OR10A4: variants seen among roughly 807,000 people sequenced by gnomAD.
The protein encoded by OR10A4 is olfactory receptor family 10 subfamily A member 4.
OR10A4 carries 18 observed loss-of-function variants against 15.4 expected under a neutral mutation model. The ratio of observed to expected loss-of-function variants is 1.17; its 90% confidence interval spans 0.81 to 1.74. The LOEUF (loss-of-function observed/expected upper bound fraction) is 1.74. OR10A4 is among the 40% of genes most tolerant of loss of function. OR10A4 has a pLI of 0.00. For synonymous variants in OR10A4, 161 were observed against 149.5 expected (o/e 1.08, Z -0.56); for missense variants, 455 against 372.3 (o/e 1.22, Z -1.83).
In OR10A4 at chr11:6,877,221, G is replaced by C. The variant is rs767838325; in HGVS notation, c.574G>C (p.Asp192His). The change falls in exon 1 of 1, where the codon GAC (aspartate) becomes CAC (histidine). Residue 192 changes from aspartate to histidine, a missense_variant. Transcript: ENST00000379829. ...SPPVIALVCA[D>H]TSVFELEALT... ...TCCTGTTATTGCACTGGTCTGTGCTGACACCTCTGTGTTTGAACTGGAGGC... is the reference window on the plus strand; with the variant it reads ...TCCTGTTATTGCACTGGTCTGTGCTCACACCTCTGTGTTTGAACTGGAGGC... 3.1e-6 allele frequency: 5 copies of C among 1,614,060 alleles called. No individual in the cohort carries two copies. In the African/African-American group the frequency reaches 6.7e-5, roughly 22 times the overall value.
Position 6,877,291 on chromosome 11 carries a change from T to C in OR10A4, c.644T>C (p.Ile215Thr). The stretch of plus-strand genomic sequence containing the variant: ...TTCATTCTCTTTCCTTTCTTGCTGA[T>C]CCTGGGATCCTATGTCCGCATCCTC... ...VLFILFPFLL[I>T]LGSYVRILST... is the part of the protein sequence containing the mutation. Residue 215 changes from isoleucine to threonine, a missense_variant, in exon 1 of 1, where the codon ATC (isoleucine) becomes ACC (threonine). Physicochemically the swap from Ile to Thr is moderately conservative, Grantham distance 89. Transcript: ENST00000379829. 6.2e-7 allele frequency: 1 copy of C among 1,614,238 alleles called. No homozygotes were observed. The highest frequency in any genetic ancestry group is 8.5e-7 in the Non-Finnish European group (1 of 1,180,042).
Position 6,877,501 on chromosome 11 carries a change from T to C in OR10A4, c.854T>C (p.Met285Thr), listed in dbSNP as rs1353070035. Residue 285 changes from methionine to threonine, a missense_variant, in exon 1 of 1, where the codon ATG becomes ACG. Coordinates refer to ENST00000379829, the MANE Select transcript of OR10A4 (RefSeq NM_207186.2). ...LSLSSTVVTP[M>T]LNPIIYSSRN... is the part of the protein sequence containing the mutation. ...CTCTCTTCCACAGTGGTGACTCCCA[T>C]GTTGAACCCCATCATCTACAGCTCA... 6.2e-7 allele frequency: 1 copy of C among 1,614,010 alleles called. No homozygotes were observed. Among genetic ancestry groups the C allele is most frequent in the Non-Finnish European group, 8.5e-7 (1 of 1,180,024 alleles).
Position 6,876,867 on chromosome 11 carries a change from T to G in OR10A4, c.220T>G (p.Phe74Val). The change falls in exon 1 of 1, where the codon TTC becomes GTC. Residue 74 changes from phenylalanine to valine, a missense_variant. By Grantham distance (50) the Phe-to-Val change is conservative. Coordinates refer to ENST00000379829, the MANE Select transcript of OR10A4 (RefSeq NM_207186.2). ...AAACTTGTCCTTCCTGGAGATAGGTTTCAACTTGGTCATTGTGCCCAAGAT... is the reference window on the plus strand; with the variant it reads ...AAACTTGTCCTTCCTGGAGATAGGTGTCAACTTGGTCATTGTGCCCAAGAT... ...LRNLSFLEIG[F>V]NLVIVPKMLG... The G allele has an allele frequency of 1.9e-6, 3 of 1,614,176 alleles. No homozygotes were observed. Among genetic ancestry groups the G allele is most frequent in the Non-Finnish European group, 2.5e-6 (3 of 1,180,010 alleles).
Position 6,877,075 on chromosome 11 carries a change from C to T in OR10A4, c.428C>T (p.Ala143Val). The change falls in exon 1 of 1, where the codon GCC (alanine) becomes GTC (valine). Residue 143 changes from alanine (A) to valine (V), a missense_variant. By Grantham distance (64) the Ala-to-Val change is moderately conservative. Transcript: ENST00000379829. The stretch of plus-strand genomic sequence containing the variant: ...GTCATCATGGGCCACATATCCTGTG[C>T]CCAGCTGGCAGCTGCCTCTTGGTTC... ...YPVIMGHISC[A>V]QLAAASWFSG... 6.2e-7 allele frequency: 1 copy of T among 1,614,208 alleles called. No individual in the cohort carries two copies. Among genetic ancestry groups the T allele is most frequent in the Non-Finnish European group, 8.5e-7 (1 of 1,180,040 alleles).
rs367626530 is a variant in OR10A4, at chr11:6,877,424, G to A, written c.777G>A (p.Thr259=). The change falls in exon 1 of 1, where the codon ACG becomes ACA. Residue 259 remains threonine (T), a synonymous_variant. Coordinates refer to ENST00000379829, the MANE Select transcript of OR10A4 (RefSeq NM_207186.2). ...TCTTCTATAGCACTGCCATCCTCAC[G>A]TATTTCCGACCCCAATCCAGTGCCT... The part of the protein sequence containing the change: ...VSLFYSTAIL[T]YFRPQSSASS... 39 of 1,613,912 alleles carry A rather than the reference G, an allele frequency of 2.4e-5. No homozygotes were observed. The highest frequency in any genetic ancestry group is 2.5e-5 in the Non-Finnish European group (30 of 1,180,010).
chr11:6,877,320 A>G lies in OR10A4; in HGVS notation c.673A>G (p.Thr225Ala). ...GGGATCCTATGTCCGCATCCTCTCC[A>G]CTATCTTCAGGATGCCGTCAGCTGA... is the stretch of plus-strand genomic sequence containing the variant. ...ILGSYVRILS[T>A]IFRMPSAEGK... The change falls in exon 1 of 1, where the codon ACT (threonine) becomes GCT (alanine). Residue 225 changes from threonine to alanine, a missense_variant. By Grantham distance (58) the Thr-to-Ala change is moderately conservative. Coordinates refer to ENST00000379829, the MANE Select transcript of OR10A4 (RefSeq NM_207186.2). 6.2e-7 allele frequency: 1 copy of G among 1,613,802 alleles called. No individual in the cohort carries two copies. Among genetic ancestry groups the G allele is most frequent in the Non-Finnish European group, 8.5e-7 (1 of 1,179,984 alleles).
chr11:6,877,075 C>A lies in OR10A4; in HGVS notation c.428C>A (p.Ala143Asp), dbSNP rs1280038671. The A allele has an allele frequency of 2.5e-6, 4 of 1,614,090 alleles. No homozygotes were observed. Among genetic ancestry groups the A allele is most frequent in the South Asian group, 1.1e-5 (1 of 91,078 alleles). The change falls in exon 1 of 1, where the codon GCC becomes GAC. Residue 143 changes from alanine (A) to aspartate (D), a missense_variant. Ala to Asp is a moderately radical substitution (Grantham distance 126, BLOSUM62 -2). Coordinates refer to ENST00000379829, the MANE Select transcript of OR10A4 (RefSeq NM_207186.2). ...GTCATCATGGGCCACATATCCTGTG[C>A]CCAGCTGGCAGCTGCCTCTTGGTTC... ...YPVIMGHISC[A>D]QLAAASWFSG...
chr11:6,877,190 C>T lies in OR10A4; in HGVS notation c.543C>T (p.Asp181=). The change falls in exon 1 of 1, where the codon GAC becomes GAT. Residue 181 remains aspartate (D), a synonymous_variant. Transcript: ENST00000379829. The part of the protein sequence containing the change: ...GPNRVNHFFC[D]SPPVIALVCA... ...ACAGGGTGAACCACTTCTTCTGTGA[C>T]AGCCCTCCTGTTATTGCACTGGTCT... 6.2e-7 allele frequency: 1 copy of T among 1,614,250 alleles called. No individual in the cohort carries two copies. Among genetic ancestry groups the T allele is most frequent in the East Asian group, 2.2e-5 (1 of 44,892 alleles).
rs539270620 is a variant in OR10A4, at chr11:6,877,515, A to G, written c.868A>G (p.Ile290Val). ...TVVTPMLNPIIYSSRNKEVKA... is the reference protein window; with the variant it reads ...TVVTPMLNPIVYSSRNKEVKA... The stretch of plus-strand genomic sequence containing the variant: ...GGTGACTCCCATGTTGAACCCCATC[A>G]TCTACAGCTCAAGGAATAAAGAAGT... The change falls in exon 1 of 1, where the codon ATC becomes GTC. Residue 290 changes from isoleucine to valine, a missense_variant. Physicochemically the swap from Ile to Val is conservative, Grantham distance 29. Transcript: ENST00000379829. 6.2e-7 allele frequency: 1 copy of G among 1,614,130 alleles called. No homozygotes were observed. Among genetic ancestry groups the G allele is most frequent in the Admixed American group, 1.7e-5 (1 of 60,014 alleles).
Position 6,877,318 on chromosome 11 carries a change from C to A in OR10A4, c.671C>A (p.Ser224Tyr), listed in dbSNP as rs1249335707. The change falls in exon 1 of 1, where the codon TCC (serine) becomes TAC (tyrosine). Residue 224 changes from serine to tyrosine, a missense_variant. Ser to Tyr is a moderately radical substitution (Grantham distance 144, BLOSUM62 -2). Coordinates refer to ENST00000379829, the MANE Select transcript of OR10A4 (RefSeq NM_207186.2). The stretch of plus-strand genomic sequence containing the variant: ...CTGGGATCCTATGTCCGCATCCTCT[C>A]CACTATCTTCAGGATGCCGTCAGCT... ...LILGSYVRILSTIFRMPSAEG... is the reference protein window; with the variant it reads ...LILGSYVRILYTIFRMPSAEG... 1 of 1,614,064 alleles carries A rather than the reference C, an allele frequency of 6.2e-7. No individual in the cohort carries two copies. Among genetic ancestry groups the A allele is most frequent in the African/African-American group, 1.3e-5 (1 of 74,918 alleles).
At position 6,877,405 on chromosome 11, in the gene OR10A4, A is replaced by G. The variant is rs1194783593; in HGVS notation, c.758A>G (p.Tyr253Cys). ...SAHLLVVSLFYSTAILTYFRP... is the reference protein window; with the variant it reads ...SAHLLVVSLFCSTAILTYFRP... ...CACCTCTTGGTTGTCTCTCTCTTCTATAGCACTGCCATCCTCACGTATTTC... is the reference window on the plus strand; with the variant it reads ...CACCTCTTGGTTGTCTCTCTCTTCTGTAGCACTGCCATCCTCACGTATTTC... The change falls in exon 1 of 1, where the codon TAT becomes TGT. Residue 253 changes from tyrosine (Y) to cysteine (C), a missense_variant. By Grantham distance (194) the Tyr-to-Cys change is radical. Transcript: ENST00000379829. 6.2e-6 allele frequency: 10 copies of G among 1,613,938 alleles called. No individual in the cohort carries two copies. Among genetic ancestry groups the G allele is most frequent in the South Asian group, 2.2e-5 (2 of 91,088 alleles).
At position 6,876,974 on chromosome 11, in the gene OR10A4, G is replaced by A. The variant is rs759577643; in HGVS notation, c.327G>A (p.Gly109=). The A allele has an allele frequency of 6.2e-7, 1 of 1,614,042 alleles. No individual in the cohort carries two copies. The highest frequency in any genetic ancestry group is 8.5e-7 in the Non-Finnish European group (1 of 1,179,992). Residue 109 remains glycine (G), a synonymous_variant, in exon 1 of 1, where the codon GGG becomes GGA. Transcript: ENST00000379829. ...ATQMYFFFFF[G]AAECCLLATM... ...AGATGTATTTCTTCTTCTTTTTTGGGGCTGCTGAGTGCTGCCTCCTGGCCA... is the reference window on the plus strand; with the variant it reads ...AGATGTATTTCTTCTTCTTTTTTGGAGCTGCTGAGTGCTGCCTCCTGGCCA...
Position 6,877,096 on chromosome 11 carries a change from G to A in OR10A4, c.449G>A (p.Trp150Ter). Residue 150 changes from tryptophan to a stop codon, truncating the protein, a stop_gained, in exon 1 of 1, where the codon TGG (tryptophan) becomes TAG (stop). Transcript: ENST00000379829. LOFTEE classifies it high-confidence loss of function. ...TGTGCCCAGCTGGCAGCTGCCTCTT[G>A]GTTCTCAGGGTTTTCAGTGGCCACT... ...ISCAQLAAASWFSGFSVATVQ... is the reference protein window; with the variant it reads ...ISCAQLAAAS 1 of 1,614,170 alleles carries A rather than the reference G, an allele frequency of 6.2e-7. No individual in the cohort carries two copies. Among genetic ancestry groups the A allele is most frequent in the East Asian group, 2.2e-5 (1 of 44,878 alleles).
In OR10A4 at chr11:6,876,657, G is replaced by A; in HGVS notation, c.10G>A (p.Glu4Lys). The A allele has an allele frequency of 6.2e-7, 1 of 1,608,958 alleles. No homozygotes were observed. The highest frequency in any genetic ancestry group is 8.5e-7 in the Non-Finnish European group (1 of 1,177,190). Residue 4 changes from glutamate to lysine, a missense_variant, in exon 1 of 1, where the codon GAA (glutamate) becomes AAA (lysine). Coordinates refer to ENST00000379829, the MANE Select transcript of OR10A4 (RefSeq NM_207186.2). MMW[E>K]NWTIVSEFVL... ...AGTCCTGGGCAGAAGAATGATGTGGGAAAACTGGACAATTGTCAGTGAATT... is the reference window on the plus strand; with the variant it reads ...AGTCCTGGGCAGAAGAATGATGTGGAAAAACTGGACAATTGTCAGTGAATT...
In OR10A4 at chr11:6,877,226, C is replaced by T. The variant is rs1564922999; in HGVS notation, c.579C>T (p.Thr193=). ...TTATTGCACTGGTCTGTGCTGACAC[C>T]TCTGTGTTTGAACTGGAGGCTCTGA... ...PPVIALVCAD[T]SVFELEALTA... The change falls in exon 1 of 1, where the codon ACC becomes ACT. Residue 193 remains threonine, a synonymous_variant. Transcript: ENST00000379829. The T allele has an allele frequency of 1.2e-6, 2 of 1,614,186 alleles. No homozygotes were observed. Among genetic ancestry groups the T allele is most frequent in the Non-Finnish European group, 1.7e-6 (2 of 1,180,006 alleles).
Position 6,876,705 on chromosome 11 carries a change from C to T in OR10A4, c.58C>T (p.Leu20=), listed in dbSNP as rs1848489609. ...SEFVLVSFSA[L]STELQALLFL... ...ATTTGTTCTCGTGAGCTTCTCAGCCCTGTCCACTGAGCTTCAGGCTCTACT... is the reference window on the plus strand; with the variant it reads ...ATTTGTTCTCGTGAGCTTCTCAGCCTTGTCCACTGAGCTTCAGGCTCTACT... Residue 20 remains leucine (L), a synonymous_variant, in exon 1 of 1, where the codon CTG becomes TTG. Coordinates refer to ENST00000379829, the MANE Select transcript of OR10A4 (RefSeq NM_207186.2). 2 of 1,614,054 alleles carry T rather than the reference C, an allele frequency of 1.2e-6. No homozygotes were observed. The highest frequency in any genetic ancestry group is 2.2e-5 in the South Asian group (2 of 91,080).
In OR10A4 at chr11:6,877,389, G is replaced by T; in HGVS notation, c.742G>T (p.Val248Phe). The T allele has an allele frequency of 6.2e-7, 1 of 1,614,092 alleles. No homozygotes were observed. The highest frequency in any genetic ancestry group is 8.5e-7 in the Non-Finnish European group (1 of 1,180,026). ...AFSTCSAHLL[V>F]VSLFYSTAIL... ...CTCCACCTGTTCCGCCCACCTCTTG[G>T]TTGTCTCTCTCTTCTATAGCACTGC... Residue 248 changes from valine to phenylalanine, a missense_variant, in exon 1 of 1, where the codon GTT becomes TTT. By Grantham distance (50) the Val-to-Phe change is conservative. Coordinates refer to ENST00000379829, the MANE Select transcript of OR10A4 (RefSeq NM_207186.2).
At position 6,876,992 on chromosome 11, in the gene OR10A4, C is replaced by T. The variant is rs1272659586; in HGVS notation, c.345C>T (p.Leu115=). The change falls in exon 1 of 1, where the codon CTC becomes CTT. Residue 115 remains leucine, a synonymous_variant. Coordinates refer to ENST00000379829, the MANE Select transcript of OR10A4 (RefSeq NM_207186.2). ...FFFFGAAECC[L]LATMAYDRYV... ...TTTTTGGGGCTGCTGAGTGCTGCCTCCTGGCCACCATGGCATATGACCGCT... is the reference window on the plus strand; with the variant it reads ...TTTTTGGGGCTGCTGAGTGCTGCCTTCTGGCCACCATGGCATATGACCGCT... The T allele has an allele frequency of 6.2e-7, 1 of 1,614,222 alleles. No homozygotes were observed. The highest frequency in any genetic ancestry group is 1.1e-5 in the South Asian group (1 of 91,088).
chr11:6,877,271 T>G lies in OR10A4; in HGVS notation c.624T>G (p.Ile208Met), dbSNP rs1161802753. ...CTCTGACAGCCACTGTCCTATTCAT[T>G]CTCTTTCCTTTCTTGCTGATCCTGG... ...LEALTATVLF[I>M]LFPFLLILGS... The change falls in exon 1 of 1, where the codon ATT (isoleucine) becomes ATG (methionine). Residue 208 changes from isoleucine (I) to methionine (M), a missense_variant. Coordinates refer to ENST00000379829, the MANE Select transcript of OR10A4 (RefSeq NM_207186.2). 1.2e-6 allele frequency: 2 copies of G among 1,614,076 alleles called. No individual in the cohort carries two copies. Among genetic ancestry groups the G allele is most frequent in the South Asian group, 2.2e-5 (2 of 91,090 alleles).
Sources: gnomAD v4.1 joint callset for allele counts on GRCh38, gnomAD v4.1.1 for gene constraint, MANE v1.5 for transcripts, NCBI Gene and HGNC (gene_info 2026-07-23, HGNC 2026-07-21) for gene names.